NUP214: variants seen among roughly 807,000 people sequenced by gnomAD.
NUP214 encodes the protein nucleoporin 214.
A neutral mutation model predicts 196.2 loss-of-function variants in NUP214; 79 were observed. That is an observed-to-expected ratio of 0.40 (90% confidence interval 0.34 to 0.49). The LOEUF is 0.49. Among genes scored for constraint, NUP214 ranks in the 20% least tolerant of loss-of-function variants. The probability of loss-of-function intolerance (pLI) is 0.58; values close to 1 mark genes in which losing one functional copy is unlikely to be tolerated. For synonymous variants in NUP214, 1,020 were observed against 990.5 expected (o/e 1.03, Z -0.56); for missense variants, 2,468 against 2,539.0 (o/e 0.97, Z 0.60).
At chr9:131,228,355 T>TTAAGCCCCCTG (rs1564222668) in intron 33 of NUP214, 24 bp downstream of exon 33, 8 of 1,562,566 alleles carry the variant, frequency 5.1e-6, no homozygotes, top group Non-Finnish European at 6.9e-6. Context: ...GGAGGGCCCT[T>TTAAGCCCCCTG]GGGAACCCAC....
chr9:131,141,872 C>A (rs927255654), intron 11 of NUP214: 1 of 152,162 alleles, frequency 6.6e-6, no homozygotes, highest in African/African-American at 2.4e-5. Flanking sequence ...ATAACTGATA[C>A]AATTTTTTTC....
At chr9:131,231,141 C>A (rs1834865343) in intron 34 of NUP214, among the ~76,000 whole-genome samples, 1 of 151,916 alleles carries the variant, frequency 6.6e-6, no homozygotes. Flanking sequence ...AGAATGAGAC[C>A]CTGTCTCAAA....
In NUP214 at chr9:131,222,817, T is replaced by A. The variant is rs1226394018; in HGVS notation, c.5789T>A (p.Phe1930Tyr). 1 of 1,614,140 alleles carries A rather than the reference T, an allele frequency of 6.2e-7. No individual in the cohort carries two copies. Among genetic ancestry groups the A allele is most frequent in the Non-Finnish European group, 8.5e-7 (1 of 1,180,016 alleles). Reference sequence around the variant, plus strand: ...TTTGGAAACAGTGGGGCCAAGACATTTGGTGGATTTGCCAGCTCGTCGTTT... The same window carrying A: ...TTTGGAAACAGTGGGGCCAAGACATATGGTGGATTTGCCAGCTCGTCGTTT... ...NLFGNSGAKT[F>Y]GGFASSSFGE... Residue 1930 changes from phenylalanine to tyrosine, a missense_variant, in exon 32 of 36, where the codon TTT becomes TAT. By Grantham distance (22) the Phe-to-Tyr change is conservative. Around this residue, in one of 5 missense-constraint regions of NUP214, gnomAD observed 262 missense variants for 296.5 expected, o/e 0.88. Transcript: ENST00000359428.
chr9:131,158,128 G>A (rs549605972), intron 17 of NUP214, among the ~76,000 whole-genome samples: 106 of 152,260 alleles, frequency 7.0e-4, no homozygotes, highest in Non-Finnish European at 1.3e-3. Flanking sequence ...GCCCAGGCCG[G>A]AGTGCAGTGG....
intron 30 of NUP214, among the ~76,000 whole-genome samples, chr9:131,202,162 A>T (rs527294615): frequency 6.6e-6 from 1 of 152,114 alleles, no homozygotes; most frequent in Non-Finnish European, 1.5e-5. Flanking sequence ...CAGTCTCGCT[A>T]TGTTGTCCAG....
At chr9:131,163,208 G>A (rs765458361) in intron 19 of NUP214, 35 bp downstream of exon 19, 22 of 1,570,156 alleles carry the variant, frequency 1.4e-5, no homozygotes, top group Non-Finnish European at 1.8e-5. Flanking sequence ...AAATATGGGT[G>A]AATGAATGCA....
intron 5 of NUP214, among the ~76,000 whole-genome samples, chr9:131,132,119 C>T (rs353543): frequency 0.8 from 91,897 of 114,328 alleles, 35,443 homozygotes; most frequent in Middle Eastern, 0.89. Flanking sequence ...TCTTTTCTTT[C>T]TTTTTTTTTT....
intron 30 of NUP214, among the ~76,000 whole-genome samples, chr9:131,203,935 A>G (rs1048213057): frequency 1.3e-5 from 2 of 152,220 alleles, no homozygotes; most frequent in Non-Finnish European, 2.9e-5. Flanking sequence ...TGGGGAGTCT[A>G]AAAGAGACCC....
intron 5 of NUP214, among the ~76,000 whole-genome samples, chr9:131,132,196 C>G (rs772259620): frequency 2.7e-5 from 4 of 149,166 alleles, no homozygotes; most frequent in African/African-American, 5.0e-5. Flanking sequence ...TTCAGCTCAC[C>G]GCAACCTATG....
chr9:131,129,173 A>G, intron 3 of NUP214, 106 bp from the exon 4 acceptor site: 1 of 917,844 alleles, frequency 1.1e-6, no homozygotes, highest in Non-Finnish European at 1.7e-6. Context: ...AGAAAAATAA[A>G]CTGATTTGAG....
intron 7 of NUP214, among the ~76,000 whole-genome samples, chr9:131,134,539 G>A (rs1831656855): frequency 6.6e-6 from 1 of 152,146 alleles, no homozygotes; most frequent in African/African-American, 2.4e-5. Flanking sequence ...TGCTACTTAT[G>A]TTTCATGTAC....
Position 131,198,564 on chromosome 9 carries a change from T to C in NUP214, c.5070T>C (p.Thr1690=), listed in dbSNP as rs748199295. The change falls in exon 29 of 36, where the codon ACT becomes ACC. Residue 1690 remains threonine (T), a synonymous_variant. Coordinates refer to ENST00000359428, the MANE Select transcript of NUP214 (RefSeq NM_005085.4). ...STAPSLFGQQ[T]GSTASTAAAT... ...CACCAAGTCTGTTTGGGCAGCAGAC[T>C]GGTAGCACAGCCAGCACAGCAGCTG... 3.7e-6 allele frequency: 6 copies of C among 1,614,212 alleles called. No homozygotes were observed. In the South Asian group the frequency reaches 6.6e-5, roughly 18 times the overall value.
intron 30 of NUP214, among the ~76,000 whole-genome samples, chr9:131,214,448 T>A (rs930614277): frequency 3.3e-5 from 5 of 152,210 alleles, no homozygotes; most frequent in Non-Finnish European, 2.9e-5. Flanking sequence ...CAAGTTTCTA[T>A]GCACAGTGGC....
intron 31 of NUP214, among the ~76,000 whole-genome samples, chr9:131,216,497 A>G (rs1283797674): frequency 7.1e-6 from 1 of 140,962 alleles, no homozygotes; most frequent in Non-Finnish European, 1.5e-5. Context: ...AAGTGCTGGG[A>G]TTACAGGCGT....
intron 17 of NUP214, among the ~76,000 whole-genome samples, chr9:131,154,824 G>GTT (rs1374177052): frequency 6.9e-6 from 1 of 144,018 alleles, no homozygotes; most frequent in Middle Eastern, 3.3e-3. Context: ...AGTAGTAGTA[G>GTT]TTGTGTGTGT....
chr9:131,140,707 C>T lies in NUP214; in HGVS notation c.1291C>T (p.Pro431Ser), dbSNP rs140106494. The change falls in exon 11 of 36, where the codon CCA becomes TCA. Residue 431 changes from proline (P) to serine (S), a missense_variant. Transcript: ENST00000359428. ...SLEGERQPKS[P>S]GSTPTTPTSS... ...AGAAGGAGAGCGACAGCCCAAGTCA[C>T]CAGGTATGTGCCTCTGCCTGCTTTA... 705 of 1,612,962 alleles carry T rather than the reference C, an allele frequency of 4.4e-4. No individual in the cohort carries two copies. The highest frequency in any genetic ancestry group is 5.7e-4 in the Non-Finnish European group (669 of 1,179,570).
intron 14 of NUP214, 161 bp from the exon 15 acceptor site, chr9:131,150,163 A>G (rs924610786): frequency 9.5e-6 from 6 of 632,216 alleles, no homozygotes; most frequent in South Asian, 1.9e-5. Flanking sequence ...TGTCTAGAAC[A>G]TGCCTTACAC....
Position 131,228,223 on chromosome 9 carries a change from G to C in NUP214, c.5966G>C (p.Gly1989Ala). 6.2e-7 allele frequency: 1 copy of C among 1,606,272 alleles called. No homozygotes were observed. The highest frequency in any genetic ancestry group is 8.5e-7 in the Non-Finnish European group (1 of 1,177,072). Residue 1989 changes from glycine (G) to alanine (A), a missense_variant, in exon 33 of 36, where the codon GGA becomes GCA. By Grantham distance (60) the Gly-to-Ala change is moderately conservative. This residue lies in a region of NUP214 where 262 missense variants were observed against 296.5 expected (regional missense o/e 0.88). Coordinates refer to ENST00000359428, the MANE Select transcript of NUP214 (RefSeq NM_005085.4). Reference protein sequence around the residue: ...PPTFGGSPGFGGVPAFGSAPA... With the variant: ...PPTFGGSPGFAGVPAFGSAPA... ...ACTTTTGGGGGATCCCCTGGGTTTG[G>C]AGGGGTGCCAGCATTCGGTTCAGCC...
At chr9:131,136,304 A>G (rs1314902497) in intron 9 of NUP214, among the ~76,000 whole-genome samples, 2 of 152,212 alleles carry the variant, frequency 1.3e-5, no homozygotes, top group Non-Finnish European at 2.9e-5. Context: ...GGAGGGAATT[A>G]ACTATATGTG....
Sources: allele counts gnomAD v4.1 joint callset (sites outside exome capture counted in the v4.1 genomes callset), GRCh38; gene constraint gnomAD v4.1.1; regional missense constraint gnomAD v4.1.1; transcripts MANE v1.5; gene names NCBI Gene and HGNC (gene_info 2026-07-23, HGNC 2026-07-21).